LRP1B: variants seen among roughly 807,000 people sequenced by gnomAD.
LRP1B encodes the protein low-density lipoprotein receptor-related protein 1B.
Under a neutral mutation model 556.6 loss-of-function variants are expected in LRP1B, and 217 were observed. The ratio of observed to expected loss-of-function variants is 0.39; its 90% CI spans 0.35 to 0.44. The LOEUF (loss-of-function observed/expected upper bound fraction) is 0.44, where lower values mean the gene tolerates loss of function less well. Among genes scored for constraint, LRP1B ranks in the 20% least tolerant of loss-of-function variants. LRP1B has a pLI of 1.00. For synonymous variants in LRP1B, 2,047 were observed against 1,865.8 expected (o/e 1.10, Z -2.50); for missense variants, 5,053 against 5,620.8 (o/e 0.90, Z 3.23).
intron 1 of LRP1B, among the ~76,000 whole-genome samples, chr2:141,812,340 T>C (rs951145366): frequency 8.6e-5 from 13 of 151,212 alleles, no homozygotes; most frequent in Non-Finnish European, 1.5e-4. Context: ...TATTAGTAAT[T>C]ACACTGGGAC....
chr2:140,646,996 G>T (rs1490384523), intron 41 of LRP1B, among the ~76,000 whole-genome samples: 1 of 151,914 alleles, frequency 6.6e-6, no homozygotes, highest in East Asian at 1.9e-4. Flanking sequence ...CAAATGAAAG[G>T]ATTCAATCAA....
chr2:140,828,646 C>T lies in LRP1B; in HGVS notation c.5209+11345G>A, dbSNP rs1354895291. On this transcript the variant is annotated intron_variant, in intron 31 of 90. Transcript: ENST00000389484. ...AAAAAAAAAAATACAAAAAATTAGC[C>T]GGGCGTGGTAGCGGGCGCCTGTAGT... is the stretch of plus-strand genomic sequence containing the variant. 6.5e-5 allele frequency among the ~76,000 whole-genome samples: 5 copies of T among 77,226 alleles called. 1 individual carries two copies. The highest frequency in any genetic ancestry group is 2.0e-4 in the African/African-American group (5 of 24,896). The allele number at this position is 77,226 out of a possible 152,430, so 50.7% of individuals were successfully genotyped here.
In LRP1B at chr2:140,284,828, T is replaced by C. The variant is rs76873641; in HGVS notation, c.12968-10230A>G. ...AGATAGATGTATATTTGTCTCTCTA[T>C]ACATATATCTTGCTACCACCCCAGT... is the stretch of plus-strand genomic sequence containing the variant. On this transcript the variant is annotated intron_variant, in intron 84 of 90. Coordinates refer to ENST00000389484, the MANE Select transcript of LRP1B (RefSeq NM_018557.3). 9.7e-3 allele frequency among the ~76,000 whole-genome samples: 1,476 copies of C among 151,398 alleles called. 61 individuals carry two copies. The East Asian group carries it at 0.13, about 13-fold the overall frequency.
chr2:141,293,358 A>C (rs1207061563), intron 3 of LRP1B, among the ~76,000 whole-genome samples: 1 of 152,202 alleles, frequency 6.6e-6, no homozygotes, highest in Non-Finnish European at 1.5e-5. Context: ...ACCACTCAAT[A>C]ATTATGTGGT....
At chr2:141,214,175 G>A (rs1439484912) in intron 6 of LRP1B, among the ~76,000 whole-genome samples, 2 of 152,056 alleles carry the variant, frequency 1.3e-5, no homozygotes, top group Admixed American at 6.6e-5. Flanking sequence ...GATTAAGGAT[G>A]GTCATCATCA....
intron 31 of LRP1B, among the ~76,000 whole-genome samples, chr2:140,832,348 T>C (rs1463101781): frequency 6.6e-6 from 1 of 152,144 alleles, no homozygotes; most frequent in East Asian, 1.9e-4. Flanking sequence ...GAAAACAGTA[T>C]GAAGATTCTC....
intron 67 of LRP1B, among the ~76,000 whole-genome samples, 194 bp downstream of exon 67, chr2:140,385,699 A>G (rs1451608006): frequency 2.0e-5 from 3 of 152,226 alleles, no homozygotes; most frequent in Admixed American, 2.0e-4. Flanking sequence ...AATAACTCTT[A>G]GGATAAGCAT....
At chr2:142,012,660 T>C (rs2105158481) in intron 1 of LRP1B, among the ~76,000 whole-genome samples, 1 of 152,310 alleles carries the variant, frequency 6.6e-6, no homozygotes, top group East Asian at 1.9e-4. Context: ...CTTAGCTGTT[T>C]GTTTTAGCAT....
intron 1 of LRP1B, among the ~76,000 whole-genome samples, chr2:142,128,507 A>C (rs960568852): frequency 6.6e-6 from 1 of 152,220 alleles, no homozygotes; most frequent in African/African-American, 2.4e-5. Context: ...GTCATAATGC[A>C]GTAACACTTT....
chr2:140,353,734 G>T (rs971698461), intron 75 of LRP1B, among the ~76,000 whole-genome samples: 1 of 151,962 alleles, frequency 6.6e-6, no homozygotes, highest in African/African-American at 2.4e-5. Context: ...CAGGAATGTG[G>T]TTACATATTC....
intron 37 of LRP1B, among the ~76,000 whole-genome samples, chr2:140,706,787 A>G (rs1193327678): frequency 1.3e-5 from 2 of 151,858 alleles, no homozygotes; most frequent in African/African-American, 4.8e-5. Context: ...ACAGATTGAC[A>G]TCAGAATTAG....
intron 82 of LRP1B, 44 bp downstream of exon 82, chr2:140,321,913 TTTATGA>T (rs1164341669): frequency 6.4e-7 from 1 of 1,554,490 alleles, no homozygotes; most frequent in Middle Eastern, 1.8e-4. Context: ...GGTGTGAAAT[TTTATGA>T]TAAGGATTAA....
chr2:140,931,781 G>A (rs940055265), intron 20 of LRP1B, among the ~76,000 whole-genome samples: 1 of 152,028 alleles, frequency 6.6e-6, no homozygotes, highest in African/African-American at 2.4e-5. Context: ...TAAAATATAA[G>A]TATCAGAAGA....
chr2:140,759,763 T>C (rs185197130), intron 35 of LRP1B, among the ~76,000 whole-genome samples: 2 of 152,284 alleles, frequency 1.3e-5, no homozygotes, highest in Non-Finnish European at 2.9e-5. Context: ...CGCGCCTTGG[T>C]GACAAAGAAT....
intron 45 of LRP1B, among the ~76,000 whole-genome samples, chr2:140,540,246 A>G (rs991545482): frequency 6.6e-6 from 1 of 152,080 alleles, no homozygotes; most frequent in Non-Finnish European, 1.5e-5. Context: ...CCTGAGAATG[A>G]TTTCACTGAT....
chr2:140,246,505 G>T (rs776185601), intron 87 of LRP1B, among the ~76,000 whole-genome samples: 1 of 139,702 alleles, frequency 7.2e-6, no homozygotes, highest in Non-Finnish European at 1.6e-5. Flanking sequence ...AGACACAAGT[G>T]ACCCTAAGAC....
intron 83 of LRP1B, among the ~76,000 whole-genome samples, chr2:140,304,891 A>G (rs1489042630): frequency 6.6e-6 from 1 of 152,190 alleles, no homozygotes; most frequent in African/African-American, 2.4e-5. Flanking sequence ...CAGTTTTCCC[A>G]GCACCATTTA....
Position 140,231,739 on chromosome 2 carries a change from T to C in LRP1B, c.*1447A>G, listed in dbSNP as rs1680480123. 6.6e-6 allele frequency: 1 copy of C among 151,660 alleles called. No individual in the cohort carries two copies. The highest frequency in any genetic ancestry group is 2.4e-5 in the African/African-American group (1 of 41,308). 9.4% of individuals were successfully genotyped at this position (151,660 alleles called of 1,614,324 possible). ...TATAAAACAGCAGTTTTTTTAATGC[T>C]TGTACAAAGGGATAAAGAGCAACCA... On this transcript the variant is annotated 3_prime_UTR_variant, in exon 91 of 91. Coordinates refer to ENST00000389484, the MANE Select transcript of LRP1B (RefSeq NM_018557.3).
chr2:141,972,383 G>A (rs1412263945), intron 1 of LRP1B, among the ~76,000 whole-genome samples: 2 of 151,404 alleles, frequency 1.3e-5, no homozygotes, highest in Admixed American at 1.3e-4. Flanking sequence ...CATTTTCAAA[G>A]CTAGTTCTTT....
Sources: gnomAD v4.1 joint callset for allele counts (sites outside exome capture counted in the v4.1 genomes callset) on GRCh38, gnomAD v4.1.1 for gene constraint, MANE v1.5 for transcripts, NCBI Gene and HGNC (gene_info 2026-07-23, HGNC 2026-07-21) for gene names.